PRKN: variants seen among roughly 807,000 people sequenced by gnomAD.
The protein encoded by PRKN is parkin RBR E3 ubiquitin protein ligase.
A neutral mutation model predicts 59.5 loss-of-function variants in PRKN; 56 were observed. The ratio of observed to expected loss-of-function variants is 0.94; its 90% CI spans 0.76 to 1.18. PRKN has a LOEUF of 1.18. PRKN is among the 50% of genes most tolerant of loss of function. The pLI is 0.00. For synonymous variants in PRKN, 250 were observed against 222.1 expected (o/e 1.13, Z -1.12); for missense variants, 657 against 596.4 (o/e 1.10, Z -1.06).
chr6:162,497,739 TAC>T (rs1793133198), intron 1 of PRKN, among the ~76,000 whole-genome samples: 1 of 152,132 alleles, frequency 6.6e-6, no homozygotes, highest in African/African-American at 2.4e-5. Flanking sequence ...CAACCAAATG[TAC>T]ACAGTATTCC....
chr6:162,645,633 A>C (rs1305431432), intron 1 of PRKN, among the ~76,000 whole-genome samples: 1 of 152,200 alleles, frequency 6.6e-6, no homozygotes, highest in Non-Finnish European at 1.5e-5. Context: ...GTGCTTTTTG[A>C]AATACTCAAA....
chr6:162,087,499 C>T (rs1003278556), intron 4 of PRKN, among the ~76,000 whole-genome samples: 5 of 151,666 alleles, frequency 3.3e-5, no homozygotes, highest in Non-Finnish European at 7.4e-5. Context: ...ACCTACTTTA[C>T]GCTAGGCACT....
chr6:161,785,681 G>C (rs1790383321), intron 7 of PRKN, 91 bp downstream of exon 7: 1 of 1,215,240 alleles, frequency 8.2e-7, no homozygotes, highest in African/African-American at 1.5e-5. Context: ...TTCTGCTAGG[G>C]TTTACGTATA....
At chr6:162,454,185 G>A (rs1282430015) in intron 1 of PRKN, among the ~76,000 whole-genome samples, 1 of 152,090 alleles carries the variant, frequency 6.6e-6, no homozygotes, top group Non-Finnish European at 1.5e-5. Context: ...TTAACTTCAG[G>A]TCCAACATAT....
intron 1 of PRKN, among the ~76,000 whole-genome samples, chr6:162,496,690 C>T (rs1242156115): frequency 6.6e-6 from 1 of 152,184 alleles, no homozygotes; most frequent in African/African-American, 2.4e-5. Context: ...CTTGGTTTTT[C>T]TCCTTCTAAA....
Position 162,332,236 on chromosome 6 carries a change from A to G in PRKN, c.172-69471T>C, listed in dbSNP as rs146439730. 4.1e-3 allele frequency among the ~76,000 whole-genome samples: 618 copies of G among 152,338 alleles called. 2 individuals carry two copies. Among genetic ancestry groups the G allele is most frequent in the African/African-American group, 0.014 (592 of 41,580 alleles). Reference sequence around the variant, plus strand: ...AATTCCTCTTGAAAAACTGGAAGACAACTCTGAGACTATATATCCATAGGG... The same window carrying G: ...AATTCCTCTTGAAAAACTGGAAGACGACTCTGAGACTATATATCCATAGGG... On this transcript the variant is annotated intron_variant, in intron 2 of 11. Transcript: ENST00000366898.
intron 1 of PRKN, among the ~76,000 whole-genome samples, chr6:162,647,787 T>C (rs556928743): frequency 6.6e-6 from 1 of 151,978 alleles, no homozygotes; most frequent in African/African-American, 2.4e-5. Flanking sequence ...CCTCACAATT[T>C]TCCCTACTTT....
At chr6:162,551,636 A>C (rs937534505) in intron 1 of PRKN, among the ~76,000 whole-genome samples, 7 of 152,302 alleles carry the variant, frequency 4.6e-5, no homozygotes, top group African/African-American at 1.7e-4. Context: ...AAAGCAAAGA[A>C]ACCTGTGTAA....
At chr6:162,096,022 A>G (rs1166689703) in intron 4 of PRKN, among the ~76,000 whole-genome samples, 1 of 152,202 alleles carries the variant, frequency 6.6e-6, no homozygotes, top group Non-Finnish European at 1.5e-5. Flanking sequence ...AAATGTGTCC[A>G]TACAGGGAAC....
chr6:161,915,322 C>T (rs9355374), intron 6 of PRKN, among the ~76,000 whole-genome samples: 58,475 of 151,950 alleles, frequency 0.38, 11,683 homozygotes, highest in Middle Eastern at 0.52. Context: ...TCAAGTTTAT[C>T]GATTAATTTT....
chr6:162,284,006 A>T (rs2128107146), intron 2 of PRKN, among the ~76,000 whole-genome samples: 1 of 152,268 alleles, frequency 6.6e-6, no homozygotes, highest in Middle Eastern at 3.4e-3. Flanking sequence ...AAAAACATAT[A>T]TTTAGCCAAA....
At chr6:161,630,258 G>C (rs1275525552) in intron 7 of PRKN, among the ~76,000 whole-genome samples, 1 of 152,022 alleles carries the variant, frequency 6.6e-6, no homozygotes, top group African/African-American at 2.4e-5. Flanking sequence ...TCTACCCAAG[G>C]AACTGCCGAG....
chr6:161,387,811 T>C (rs1786331241), intron 9 of PRKN, among the ~76,000 whole-genome samples: 1 of 151,940 alleles, frequency 6.6e-6, no homozygotes, highest in South Asian at 2.1e-4. Context: ...TTTAAAGTGG[T>C]AAAGGGAAGA....
intron 1 of PRKN, among the ~76,000 whole-genome samples, chr6:162,704,857 T>C (rs1295404291): frequency 1.3e-5 from 2 of 152,234 alleles, no homozygotes; most frequent in East Asian, 3.8e-4. Flanking sequence ...ATTTTGTTTA[T>C]ATTATAAAAA....
chr6:162,678,848 C>T (rs1476472799), intron 1 of PRKN, among the ~76,000 whole-genome samples: 5 of 152,176 alleles, frequency 3.3e-5, no homozygotes, highest in African/African-American at 1.2e-4. Context: ...GATCTTGGCT[C>T]ACTGCAACCT....
In PRKN at chr6:161,533,176, C is replaced by A. The variant is rs1353983084; in HGVS notation, c.1083+15678G>T. Among the ~76,000 whole-genome samples the A allele has an allele frequency of 1.3e-5, 2 of 152,062 alleles. No individual in the cohort carries two copies. The highest frequency in any genetic ancestry group is 6.5e-5 in the Admixed American group (1 of 15,278). ...AAAGAATGATCTAAATCTTCCACAT[C>A]CCTGAGGTATTAGTCTTAAATGCAT... On this transcript the variant is annotated intron_variant, in intron 9 of 11. Transcript: ENST00000366898. The surrounding 1 kb of genome is among the most constrained non-coding windows in gnomAD (Gnocchi z 4.1).
chr6:162,553,542 C>CA (rs57807120), intron 1 of PRKN, among the ~76,000 whole-genome samples: 33,946 of 114,378 alleles, frequency 0.3, 5,721 homozygotes, highest in African/African-American at 0.53. Flanking sequence ...TGTTTACTAC[C>CA]AAAAAAAAAA....
intron 7 of PRKN, among the ~76,000 whole-genome samples, chr6:161,757,886 T>TATATAC (rs1416363617): frequency 1.5e-4 from 18 of 116,230 alleles, no homozygotes; most frequent in African/African-American, 5.1e-4. Flanking sequence ...TATATATATA[T>TATATAC]ACACACACAC....
intron 3 of PRKN, among the ~76,000 whole-genome samples, chr6:162,233,590 ATAAT>A (rs1046428441): frequency 6.6e-6 from 1 of 152,258 alleles, no homozygotes; most frequent in African/African-American, 2.4e-5. Flanking sequence ...CAATTAAAAA[ATAAT>A]TAACGAAAAA....
Sources: gnomAD v4.1 joint callset for allele counts (sites outside exome capture counted in the v4.1 genomes callset) on GRCh38, gnomAD v4.1.1 for gene constraint, Gnocchi (gnomAD v3.1) non-coding constraint, MANE v1.5 for transcripts, NCBI Gene and HGNC (gene_info 2026-07-23, HGNC 2026-07-21) for gene names.